ZNF705A: variants seen among roughly 807,000 people sequenced by gnomAD.
ZNF705A encodes zinc finger protein 705A.
ZNF705A carries 8 observed loss-of-function variants against 16.6 expected under a neutral mutation model. That is an observed-to-expected ratio of 0.48 (90% CI 0.28 to 0.87). The LOEUF is 0.87. Among genes scored for constraint, ZNF705A ranks in the 40% least tolerant of loss-of-function variants. The probability of loss-of-function intolerance (pLI) is 0.10; values close to 1 mark genes in which losing one functional copy is unlikely to be tolerated. For missense variants in ZNF705A, 233 were observed against 359.9 expected (o/e 0.65, Z 2.85); for synonymous variants, 73 against 117.3 (o/e 0.62, Z 2.44).
upstream of ZNF705A, among the ~76,000 whole-genome samples, chr12:8,171,333 TC>T (rs1341790924): frequency 6.6e-6 from 1 of 152,166 alleles, no homozygotes; most frequent in Non-Finnish European, 1.5e-5. Context: ...CATGCATGTT[TC>T]CCCCTGTCTC....
At chr12:8,168,489 C>A (rs1406541104), upstream of ZNF705A, among the ~76,000 whole-genome samples, 2 of 152,176 alleles carry the variant, frequency 1.3e-5, no homozygotes, top group Admixed American at 1.3e-4. Context: ...TGTGCCTTTT[C>A]CATTTTTGTT....
chr12:8,176,941 A>G (rs1948488338), intron 4 of ZNF705A, 58 bp from the exon 6 acceptor site: 1 of 1,569,080 alleles, frequency 6.4e-7, no homozygotes, highest in Non-Finnish European at 8.7e-7. Context: ...AGGTAGTGAA[A>G]TGAATGTATA....
At chr12:8,171,915 T>C (rs946437598), upstream of ZNF705A, among the ~76,000 whole-genome samples, 2 of 152,180 alleles carry the variant, frequency 1.3e-5, no homozygotes, top group African/African-American at 4.8e-5. Flanking sequence ...TTTTGTATTT[T>C]CAGTAAAGAC....
In ZNF705A at chr12:8,164,436, A is replaced by G. The variant is rs536881361; in HGVS notation, c.-72+7344A>G. 1.7e-3 allele frequency among the ~76,000 whole-genome samples: 257 copies of G among 152,320 alleles called. 4 individuals are homozygous for G. In the Middle Eastern group the frequency reaches 0.02, roughly 12 times the overall value. On this transcript the variant is annotated intron_variant, in intron 1 of 5. Coordinates refer to the ZNF705A transcript ENST00000396570. ...GGGTTTCATTATTATGTAACACTGA[A>G]TAATATTCCATTGCGTATATGTATT... is the stretch of plus-strand genomic sequence containing the variant.
exon 5 of ZNF705A, chr12:8,177,138 T>C (rs1210426579): frequency 6.2e-7 from 1 of 1,611,956 alleles, no homozygotes; most frequent in East Asian, 2.2e-5. Context: ...GGAAAATCTC[T>C]TCGTAATCTT....
intron 1 of ZNF705A, among the ~76,000 whole-genome samples, chr12:8,158,241 C>T (rs74060106): frequency 0.037 from 5,632 of 152,176 alleles, 252 homozygotes; most frequent in African/African-American, 0.11. Flanking sequence ...AAAATGCAAT[C>T]AAATTGAACA....
intron 1 of ZNF705A, among the ~76,000 whole-genome samples, chr12:8,173,108 G>A (rs1591624942): frequency 6.6e-6 from 1 of 152,220 alleles, no homozygotes; most frequent in East Asian, 1.9e-4. Flanking sequence ...GCCCAACAAT[G>A]AGTCTGATGT....
chr12:8,167,792 T>A (rs546668138), upstream of ZNF705A, among the ~76,000 whole-genome samples: 8 of 152,162 alleles, frequency 5.3e-5, no homozygotes, highest in Non-Finnish European at 1.2e-4. Context: ...CTGAAGGGCA[T>A]ACAGCGGAAA....
intron 1 of ZNF705A, among the ~76,000 whole-genome samples, chr12:8,157,490 T>C (rs955657960): frequency 1.3e-5 from 2 of 152,150 alleles, no homozygotes; most frequent in South Asian, 2.1e-4. Context: ...ACTTGAATAC[T>C]GGCCTTTGAT....
At chr12:8,174,871 G>A (rs191592539) in intron 2 of ZNF705A, among the ~76,000 whole-genome samples, 1,422 of 114,958 alleles carry the variant, frequency 0.012, 17 homozygotes, top group African/African-American at 0.038. Flanking sequence ...TTTGTAAATC[G>A]AATTTTTTTT....
At chr12:8,169,680 G>A (rs2120714825), upstream of ZNF705A, among the ~76,000 whole-genome samples, 1 of 152,320 alleles carries the variant, frequency 6.6e-6, no homozygotes. Context: ...AAAGAATATA[G>A]ACATCAGCTA....
exon 5 of ZNF705A, chr12:8,179,905 A>G (rs1241614755): frequency 8.5e-5 from 13 of 152,308 alleles, no homozygotes; most frequent in South Asian, 2.1e-4. Flanking sequence ...ATCTCCAGCC[A>G]TTATTAAAGC....
upstream of ZNF705A, among the ~76,000 whole-genome samples, chr12:8,172,090 T>C (rs2120721104): frequency 6.6e-6 from 1 of 151,864 alleles, no homozygotes; most frequent in African/African-American, 2.4e-5. Flanking sequence ...AATACAAAAG[T>C]CAGAGTTGAG....
chr12:8,167,166 G>A (rs1450720676), intron 1 of ZNF705A, among the ~76,000 whole-genome samples: 1 of 152,128 alleles, frequency 6.6e-6, no homozygotes, highest in Non-Finnish European at 1.5e-5. Flanking sequence ...TTAGAATATA[G>A]AGTCTCCATA....
upstream of ZNF705A, among the ~76,000 whole-genome samples, chr12:8,171,338 CT>C (rs762644431): frequency 1.2e-4 from 19 of 152,238 alleles, no homozygotes; most frequent in African/African-American, 2.2e-4. Context: ...ATGTTTCCCC[CT>C]GTCTCAAACA....
At chr12:8,174,336 C>A in exon 2 of ZNF705A, 3 of 1,596,610 alleles carry the variant, frequency 1.9e-6, no homozygotes, top group Non-Finnish European at 2.5e-6. Flanking sequence ...AAGAAAGTGA[C>A]TTTTGAAGAT....
intron 1 of ZNF705A, among the ~76,000 whole-genome samples, chr12:8,158,875 GT>G (rs1948331077): frequency 2.0e-5 from 3 of 152,014 alleles, no homozygotes; most frequent in Non-Finnish European, 4.4e-5. Context: ...ACATAAGTAA[GT>G]TCTTTTGTGG....
chr12:8,162,441 A>G (rs1462479768), intron 1 of ZNF705A, among the ~76,000 whole-genome samples: 1 of 152,198 alleles, frequency 6.6e-6, no homozygotes, highest in African/African-American at 2.4e-5. Flanking sequence ...AACTTAGTCT[A>G]TAGAGACTTG....
intron 1 of ZNF705A, among the ~76,000 whole-genome samples, chr12:8,166,340 C>A (rs1196324753): frequency 6.6e-6 from 1 of 152,094 alleles, no homozygotes; most frequent in East Asian, 1.9e-4. Context: ...GCTCTGTGTC[C>A]CCGCCCAAAT....
Sources: gnomAD v4.1 joint callset for allele counts (sites outside exome capture counted in the v4.1 genomes callset) on GRCh38, gnomAD v4.1.1 for gene constraint, MANE v1.5 for transcripts, NCBI Gene and HGNC (gene_info 2026-07-23, HGNC 2026-07-21) for gene names.